The following CREBRF variants were observed in gnomAD, a reference collection of about 807,000 sequenced individuals.
The protein encoded by CREBRF is CREB3 regulatory factor, also known as UPF0474 protein C5orf41.
In CREBRF, 5 loss-of-function variants were observed where a neutral mutation model predicts 66.1. The ratio of observed to expected loss-of-function variants is 0.08; its 90% CI spans 0.04 to 0.16. The LOEUF (loss-of-function observed/expected upper bound fraction) is 0.16, where lower values mean the gene tolerates loss of function less well. Ranked by LOEUF, CREBRF falls within the 10% of genes least tolerant of loss-of-function variation. The pLI is 1.00. For synonymous variants in CREBRF, 229 were observed against 264.4 expected, an observed-to-expected ratio of 0.87 and a Z score of 1.30; for missense variants, 531 against 744.9, an observed-to-expected ratio of 0.71 and a Z score of 3.34.
In CREBRF at chr5:173,081,042, A is replaced by T. The variant is rs191350733; in HGVS notation, c.9+258A>T. Among the ~76,000 whole-genome samples, 499 of 152,312 alleles carry T rather than the reference A, an allele frequency of 3.3e-3. 2 individuals are homozygous for T. Among genetic ancestry groups the T allele is most frequent in the Admixed American group, 6.9e-3 (106 of 15,304 alleles). On this transcript the variant is annotated intron_variant, in intron 2 of 8. Coordinates refer to ENST00000296953, the MANE Select transcript of CREBRF (RefSeq NM_153607.3). ...GAAGGTGGACAGATCTGCTGGCTTT[A>T]TGGGGCAAAACCAACTCCCTTGAAA...
intron 3 of CREBRF, among the ~76,000 whole-genome samples, chr5:173,087,883 G>A (rs535161548): frequency 1.9e-4 from 29 of 152,108 alleles, no homozygotes; most frequent in African/African-American, 5.3e-4. Flanking sequence ...GAGTGCAGTG[G>A]CACAGTCTCG....
chr5:173,138,806 T>C lies in CREBRF; in HGVS notation c.*5061T>C, dbSNP rs1759645332. 6.6e-6 allele frequency: 1 copy of C among 152,230 alleles called. No homozygotes were observed. Among genetic ancestry groups the C allele is most frequent in the African/African-American group, 2.4e-5 (1 of 41,454 alleles). The allele number at this position is 152,230 out of a possible 1,614,324, so 9.4% of individuals were successfully genotyped here. A position where few individuals can be genotyped will look rare whatever the true frequency, so the allele number is the denominator to read the frequency against. ...CACTGTATTCCACTGCCTGCTTTTT[T>C]ACCTTCTTTCCCTAGGATTTGTCCT... On this transcript the variant is annotated 3_prime_UTR_variant, in exon 9 of 9. Coordinates refer to ENST00000296953, the MANE Select transcript of CREBRF (RefSeq NM_153607.3).
At chr5:173,124,888 T>A (rs1759231128) in intron 8 of CREBRF, among the ~76,000 whole-genome samples, 1 of 151,260 alleles carries the variant, frequency 6.6e-6, no homozygotes, top group Admixed American at 6.6e-5. Context: ...CTTTTCTTCT[T>A]CTTTCTTCCT....
intron 4 of CREBRF, among the ~76,000 whole-genome samples, chr5:173,096,921 A>G (rs149298643): frequency 1.8e-3 from 271 of 152,230 alleles, no homozygotes; most frequent in African/African-American, 6.2e-3. Flanking sequence ...ATTTGCATAT[A>G]TTGAATCATC....
At chr5:173,112,901 A>G (rs913405752) in intron 7 of CREBRF, among the ~76,000 whole-genome samples, 1 of 152,228 alleles carries the variant, frequency 6.6e-6, no homozygotes, top group Admixed American at 6.5e-5. Context: ...CTTGGTTAAA[A>G]TACACATTTC....
In CREBRF at chr5:173,101,484, C is replaced by T. The variant is rs72816128; in HGVS notation, c.1223-7140C>T. 2.6e-3 allele frequency among the ~76,000 whole-genome samples: 388 copies of T among 151,324 alleles called. 1 individual carries two copies. Among genetic ancestry groups the T allele is most frequent in the Non-Finnish European group, 4.5e-3 (305 of 67,638 alleles). On this transcript the variant is annotated intron_variant, in intron 4 of 8. Transcript: ENST00000296953. ...ATTGTATATGACAAGTTGCTTTTCT[C>T]TTGCTGCTTTCAAAAGTCTGTTTGT...
rs182859743 is a variant in CREBRF, at chr5:173,085,877, G to A, written c.10-624G>A. On this transcript the variant is annotated intron_variant, in intron 2 of 8. Coordinates refer to ENST00000296953, the MANE Select transcript of CREBRF (RefSeq NM_153607.3). ...AGTAGAGGGGTCATCTCTGAGATCA[G>A]TTTGGGTCCCAACAAGCAAGAAAGG... The A allele has an allele frequency of 1.7e-5, 14 of 822,580 alleles. No individual in the cohort carries two copies. The East Asian group carries it at 3.4e-4, about 20-fold the overall frequency. 51.0% of individuals were successfully genotyped at this position (822,580 alleles called of 1,614,324 possible).
intron 8 of CREBRF, among the ~76,000 whole-genome samples, chr5:173,126,106 G>A (rs1004223648): frequency 1.3e-5 from 2 of 152,024 alleles, no homozygotes; most frequent in African/African-American, 4.8e-5. Context: ...CATATCTTTA[G>A]TTCCTTTCTT....
Position 173,112,363 on chromosome 5 carries a change from C to A in CREBRF, c.1665C>A (p.Gly555=). The A allele has an allele frequency of 6.3e-7, 1 of 1,597,126 alleles. No individual in the cohort carries two copies. The highest frequency in any genetic ancestry group is 1.7e-4 in the Middle Eastern group (1 of 5,982). ...QYEANKVKLW[G]LNTEYDNLLF... is the part of the protein sequence containing the mutation. ...AAGCTAATAAAGTGAAATTATGGGG[C>A]CTCAACACAGAATATGGTAAACCTA... Residue 555 remains glycine, a synonymous_variant, in exon 7 of 9, where the codon GGC becomes GGA. Coordinates refer to ENST00000296953, the MANE Select transcript of CREBRF (RefSeq NM_153607.3).
At chr5:173,059,023 T>A (rs1464259427) in intron 1 of CREBRF, among the ~76,000 whole-genome samples, 2 of 151,600 alleles carry the variant, frequency 1.3e-5, no homozygotes, top group African/African-American at 4.8e-5. Context: ...GGTCTCGAAC[T>A]TCTGGCTTTA....
At chr5:173,103,201 C>T (rs1478642045) in intron 4 of CREBRF, among the ~76,000 whole-genome samples, 3 of 152,170 alleles carry the variant, frequency 2.0e-5, no homozygotes, top group Admixed American at 6.5e-5. Context: ...ACCTATTTGA[C>T]AATTATCCCA....
intron 1 of CREBRF, among the ~76,000 whole-genome samples, chr5:173,064,020 C>T (rs1757360670): frequency 6.6e-6 from 1 of 152,182 alleles, no homozygotes; most frequent in Admixed American, 6.5e-5. Context: ...ATGCACTGGC[C>T]TAAAGTTTTT....
chr5:173,065,408 C>T (rs1008615417), intron 1 of CREBRF, among the ~76,000 whole-genome samples: 2 of 152,134 alleles, frequency 1.3e-5, no homozygotes, highest in African/African-American at 4.8e-5. Context: ...TAATTCTCTT[C>T]AGTCTGTTCT....
rs1210408705 is a variant in CREBRF, at chr5:173,134,775, G to C, written c.*1030G>C. On this transcript the variant is annotated 3_prime_UTR_variant, in exon 9 of 9. Transcript: ENST00000296953. The stretch of plus-strand genomic sequence containing the variant: ...GAAAAAAAAGAAAAAAAAAGGTCAG[G>C]GTTAGGGATCTTACTGAACTGTGAA... The C allele has an allele frequency of 6.6e-6, 1 of 152,272 alleles. No individual in the cohort carries two copies. The highest frequency in any genetic ancestry group is 1.5e-5 in the Non-Finnish European group (1 of 67,914). The allele number at this position is 152,272 out of a possible 1,614,324, so 9.4% of individuals were successfully genotyped here. A position where few individuals can be genotyped will look rare whatever the true frequency, so the allele number is the denominator to read the frequency against.
At chr5:173,095,725 T>C (rs546463215) in intron 4 of CREBRF, among the ~76,000 whole-genome samples, 2 of 152,060 alleles carry the variant, frequency 1.3e-5, no homozygotes, top group Admixed American at 1.3e-4. Flanking sequence ...ATCTTTCTAT[T>C]TATTTGTGTC....
intron 1 of CREBRF, among the ~76,000 whole-genome samples, chr5:173,056,693 A>C (rs1757052437): frequency 6.6e-6 from 1 of 150,868 alleles, no homozygotes; most frequent in Non-Finnish European, 1.5e-5. Context: ...CCCCTCCCCC[A>C]CCCCCGGCCC....
At chr5:173,072,781 G>C (rs1757635453) in intron 1 of CREBRF, among the ~76,000 whole-genome samples, 2 of 151,948 alleles carry the variant, frequency 1.3e-5, no homozygotes, top group East Asian at 3.9e-4. Flanking sequence ...AAGACTGTAG[G>C]GTAAATATTA....
chr5:173,127,251 C>T (rs989104950), intron 8 of CREBRF, among the ~76,000 whole-genome samples: 1 of 151,134 alleles, frequency 6.6e-6, no homozygotes, highest in Non-Finnish European at 1.5e-5. Context: ...CAACCTCCGC[C>T]TCCTGGGTTC....
intron 1 of CREBRF, among the ~76,000 whole-genome samples, chr5:173,061,119 C>T (rs1356821047): frequency 6.6e-6 from 1 of 152,176 alleles, no homozygotes; most frequent in African/African-American, 2.4e-5. Context: ...AGGCGCCTGC[C>T]ACCGTGCCCA....
Sources: allele counts gnomAD v4.1 joint callset (sites outside exome capture counted in the v4.1 genomes callset), GRCh38; gene constraint gnomAD v4.1.1; transcripts MANE v1.5; gene names NCBI Gene and HGNC (gene_info 2026-07-23, HGNC 2026-07-21).